The following TRHDE variants were observed in gnomAD, a reference collection of about 807,000 sequenced individuals.
TRHDE encodes thyrotropin releasing hormone degrading enzyme, also known as thyrotropin-releasing hormone-degrading ectoenzyme.
TRHDE carries 72 observed loss-of-function variants against 125.7 expected under a neutral mutation model. The ratio of observed to expected loss-of-function variants is 0.57; its 90% confidence interval spans 0.47 to 0.70. The LOEUF (loss-of-function observed/expected upper bound fraction) is 0.70, where lower values mean the gene tolerates loss of function less well. Ranked by LOEUF, TRHDE falls within the 30% of genes least tolerant of loss-of-function variation. The pLI, the probability that TRHDE is intolerant of heterozygous loss-of-function variation, is 0.00. For synonymous variants in TRHDE, 509 were observed against 509.1 expected, an observed-to-expected ratio of 1.00 and a Z score of 0.00; for missense variants, 1,110 against 1,327.1, an observed-to-expected ratio of 0.84 and a Z score of 2.54.
chr12:72,659,598 T>G (rs1211283581), intron 18 of TRHDE, among the ~76,000 whole-genome samples: 1 of 152,218 alleles, frequency 6.6e-6, no homozygotes, highest in Non-Finnish European at 1.5e-5. Flanking sequence ...TAATTTATCT[T>G]ATGATGTTGA....
intron 2 of TRHDE, among the ~76,000 whole-genome samples, chr12:72,136,270 G>C (rs375623339): frequency 6.6e-6 from 1 of 152,098 alleles, no homozygotes; most frequent in Non-Finnish European, 1.5e-5. Context: ...ATTAACATTA[G>C]TGTCAGCATA....
intron 3 of TRHDE, among the ~76,000 whole-genome samples, chr12:72,387,774 GT>G (rs1872485060): frequency 6.6e-6 from 1 of 152,032 alleles, no homozygotes; most frequent in South Asian, 2.1e-4. Flanking sequence ...AGATTTGATG[GT>G]TTTATAAGGG....
At chr12:72,409,352 G>T (rs985966578) in intron 3 of TRHDE, among the ~76,000 whole-genome samples, 12 of 152,200 alleles carry the variant, frequency 7.9e-5, no homozygotes, top group Admixed American at 7.2e-4. Context: ...TCAACAACAG[G>T]TACTATCTAA....
intron 2 of TRHDE, among the ~76,000 whole-genome samples, chr12:72,341,063 G>A (rs1291575666): frequency 1.3e-5 from 2 of 151,488 alleles, no homozygotes; most frequent in Non-Finnish European, 2.9e-5. Flanking sequence ...TGTTCCTAAA[G>A]GACCATCCAT....
intron 2 of TRHDE, among the ~76,000 whole-genome samples, chr12:72,332,260 TC>T (rs757975175): frequency 2.0e-5 from 3 of 152,136 alleles, no homozygotes; most frequent in African/African-American, 4.8e-5. Flanking sequence ...AGCCTCAGCC[TC>T]CCAAGTAGCT....
intron 2 of TRHDE, among the ~76,000 whole-genome samples, chr12:72,115,592 A>G (rs921207956): frequency 2.0e-5 from 3 of 152,102 alleles, no homozygotes; most frequent in African/African-American, 7.2e-5. Context: ...ATCATATGGT[A>G]GCTCTATTTT....
rs1270524776 is a variant in TRHDE, at chr12:72,636,456, C to T, written c.2675+14705C>T. Among the ~76,000 whole-genome samples the T allele has an allele frequency of 9.1e-4, 138 of 151,554 alleles. 1 individual carries two copies. Among genetic ancestry groups the T allele is most frequent in the Middle Eastern group, 3.4e-3 (1 of 294 alleles). On this transcript the variant is annotated intron_variant, in intron 15 of 18. Coordinates refer to ENST00000261180, the MANE Select transcript of TRHDE (RefSeq NM_013381.3). ...CAATCATGTTGTCTGCAAACAGGGA[C>T]AATTTGACTTCCTCTTTTCCTAATT... is the stretch of plus-strand genomic sequence containing the variant.
At chr12:72,598,086 C>CA (rs895288020) in intron 12 of TRHDE, among the ~76,000 whole-genome samples, 6 of 150,398 alleles carry the variant, frequency 4.0e-5, no homozygotes, top group African/African-American at 9.8e-5. Context: ...TAAAAAGTGG[C>CA]AAAAAAAGAA....
At chr12:72,249,550 C>T (rs551660205) in intron 2 of TRHDE, among the ~76,000 whole-genome samples, 23 of 152,156 alleles carry the variant, frequency 1.5e-4, no homozygotes, top group Non-Finnish European at 2.6e-4. Flanking sequence ...AGCTGGTAAG[C>T]ACATACAAAG....
At position 72,238,299 on chromosome 12, in the gene TRHDE, T is replaced by TAC. The variant is rs1213161150; in HGVS notation, n.279+132548_279+132549insCA. 1.3e-3 allele frequency among the ~76,000 whole-genome samples: 43 copies of TAC among 33,312 alleles called. 5 individuals carry two copies. In the East Asian group the frequency reaches 0.016, roughly 12 times the overall value. 21.9% of individuals were successfully genotyped at this position (33,312 alleles called of 152,430 possible). ...TAATATATATATATATATATATATATATATATATATATATATATATATACA... is the reference window on the plus strand; with the variant it reads ...TAATATATATATATATATATATATATACATATATATATATATATATATATACA... On this transcript the variant is annotated intron_variant and non_coding_transcript_variant, in intron 2 of 4. Coordinates refer to the TRHDE transcript ENST00000548156.
chr12:72,500,067 C>G (rs1251323835), intron 6 of TRHDE, among the ~76,000 whole-genome samples: 1 of 152,018 alleles, frequency 6.6e-6, no homozygotes, highest in Non-Finnish European at 1.5e-5. Flanking sequence ...ATCTTATAAA[C>G]ATTATTTAAA....
intron 2 of TRHDE, among the ~76,000 whole-genome samples, chr12:72,165,841 AT>A (rs1027380357): frequency 3.9e-4 from 60 of 151,926 alleles, no homozygotes; most frequent in Admixed American, 2.4e-3. Flanking sequence ...CGCCTGGCTA[AT>A]TTTTTTGTAT....
intron 2 of TRHDE, among the ~76,000 whole-genome samples, chr12:72,203,982 T>C (rs772727009): frequency 2.0e-5 from 3 of 152,226 alleles, no homozygotes; most frequent in African/African-American, 7.2e-5. Flanking sequence ...ATCTCCATAT[T>C]ACTACATGGT....
At chr12:72,295,113 T>G (rs960036256) in intron 2 of TRHDE, among the ~76,000 whole-genome samples, 2 of 108,822 alleles carry the variant, frequency 1.8e-5, no homozygotes, top group Admixed American at 2.4e-4. Flanking sequence ...TTTGGGTGAC[T>G]GCAGCTGTGG....
At chr12:72,269,259 TTTG>T (rs1462724805), upstream of TRHDE, among the ~76,000 whole-genome samples, 3 of 152,190 alleles carry the variant, frequency 2.0e-5, no homozygotes. Flanking sequence ...ACTGAAGACC[TTTG>T]TAACACTGAT....
At chr12:72,659,654 T>A (rs533721543) in intron 18 of TRHDE, among the ~76,000 whole-genome samples, 2 of 152,314 alleles carry the variant, frequency 1.3e-5, no homozygotes, top group South Asian at 4.1e-4. Flanking sequence ...TGCTGAAATC[T>A]TTTTAATAGA....
At chr12:72,550,779 T>G (rs1869638140) in intron 7 of TRHDE, among the ~76,000 whole-genome samples, 1 of 151,960 alleles carries the variant, frequency 6.6e-6, no homozygotes, top group African/African-American at 2.4e-5. Context: ...CAATATTTTC[T>G]CCAAAATGTT....
At chr12:72,169,011 T>C (rs1169643318) in intron 2 of TRHDE, among the ~76,000 whole-genome samples, 2 of 152,234 alleles carry the variant, frequency 1.3e-5, no homozygotes, top group Non-Finnish European at 2.9e-5. Flanking sequence ...TCAGTTTACA[T>C]TCTGTTGCTC....
At chr12:72,513,946 T>C (rs892117209) in intron 6 of TRHDE, among the ~76,000 whole-genome samples, 2 of 152,106 alleles carry the variant, frequency 1.3e-5, no homozygotes, top group African/African-American at 4.8e-5. Flanking sequence ...GTTCCAAACT[T>C]TGGCAGCAAG....
Sources: gnomAD v4.1 joint callset for allele counts (sites outside exome capture counted in the v4.1 genomes callset) on GRCh38, gnomAD v4.1.1 for gene constraint, MANE v1.5 for transcripts, NCBI Gene and HGNC (gene_info 2026-07-23, HGNC 2026-07-21) for gene names.